Variants in PCDHA5 observed in about 807,000 individuals in gnomAD.
PCDHA5 encodes protocadherin alpha 5.
PCDHA5 carries 43 observed loss-of-function variants against 61.6 expected under a neutral mutation model. The ratio of observed to expected loss-of-function variants is 0.70; its 90% CI spans 0.55 to 0.90. The LOEUF (loss-of-function observed/expected upper bound fraction) is 0.90, where lower values mean the gene tolerates loss of function less well. Ranked by LOEUF, PCDHA5 falls within the 40% of genes least tolerant of loss-of-function variation. The pLI is 0.00. For missense variants in PCDHA5, 1,298 were observed against 1,222.7 expected (o/e 1.06, Z -0.92); for synonymous variants, 627 against 543.9 (o/e 1.15, Z -2.13).
rs2150150288 is a variant in PCDHA5 at position 140,828,039 on chromosome 5, T to G, written c.2352+3912T>G. 212 of 1,539,464 alleles carry G rather than the reference T, an allele frequency of 1.4e-4. 1 individual carries two copies. Among genetic ancestry groups the G allele is most frequent in the Non-Finnish European group, 1.8e-4 (207 of 1,145,996 alleles). ...TAATAAATTCCGGAACATACAGTAT[T>G]TTATCTTTATGCGGAAGATCTTCTA... On this transcript the variant is annotated intron_variant, in intron 1 of 3. Coordinates refer to ENST00000529859, the MANE Select transcript of PCDHA5 (RefSeq NM_018908.3).
At chr5:140,884,206 C>T (rs1554181328) in intron 1 of PCDHA5, 1 of 1,613,542 alleles carries the variant, frequency 6.2e-7, no homozygotes, top group Admixed American at 1.7e-5. Context: ...CGCACCACCG[C>T]CTTCTGGTGC....
At position 140,924,046 on chromosome 5, in the gene PCDHA5, C is replaced by T. The variant is rs59270862; in HGVS notation, c.2353-54903C>T. Among the ~76,000 whole-genome samples, 1,259 of 152,276 alleles carry T rather than the reference C, an allele frequency of 8.3e-3. 10 individuals are homozygous for T. The highest frequency in any genetic ancestry group is 0.029 in the African/African-American group (1,206 of 41,556). ...AGGCATGGCTGCAGACCTAAAAGTT[C>T]GGTACATCTTTACAGTTGTATTTCA... is the stretch of plus-strand genomic sequence containing the variant. On this transcript the variant is annotated intron_variant, in intron 1 of 3. Coordinates refer to ENST00000529859, the MANE Select transcript of PCDHA5 (RefSeq NM_018908.3).
intron 1 of PCDHA5, among the ~76,000 whole-genome samples, chr5:140,947,863 G>A (rs1438094304): frequency 6.6e-6 from 1 of 151,230 alleles, no homozygotes; most frequent in Non-Finnish European, 1.5e-5. Flanking sequence ...CATTATAATG[G>A]CTAGGACTTC....
At chr5:140,967,051 G>C in intron 1 of PCDHA5, 2 of 1,612,562 alleles carry the variant, frequency 1.2e-6, no homozygotes, top group Non-Finnish European at 1.7e-6. Context: ...TGGACCTGAC[G>C]AGTGGAGCGC....
chr5:140,915,966 T>C (rs1420384919), intron 1 of PCDHA5, among the ~76,000 whole-genome samples: 1 of 152,160 alleles, frequency 6.6e-6, no homozygotes, highest in Non-Finnish European at 1.5e-5. Flanking sequence ...ATTTGCCTGA[T>C]ATTTTATTTG....
rs145175505 is a variant in PCDHA5 at position 140,843,176 on chromosome 5, C to G, written c.2352+19049C>G. On this transcript the variant is annotated intron_variant, in intron 1 of 3. Coordinates refer to ENST00000529859, the MANE Select transcript of PCDHA5 (RefSeq NM_018908.3). Reference sequence around the variant, plus strand: ...GCTGCAGCCAGCTGCAAGCAGCCCTCGCATCCCGTTCCGCGTGGGGCTGTA... The same window carrying G: ...GCTGCAGCCAGCTGCAAGCAGCCCTGGCATCCCGTTCCGCGTGGGGCTGTA... 2 of 1,595,968 alleles carry G rather than the reference C, an allele frequency of 1.3e-6. No homozygotes were observed. Among genetic ancestry groups the G allele is most frequent in the Non-Finnish European group, 1.7e-6 (2 of 1,165,618 alleles).
At chr5:140,914,439 T>A (rs1352001626) in intron 1 of PCDHA5, among the ~76,000 whole-genome samples, 2 of 152,310 alleles carry the variant, frequency 1.3e-5, no homozygotes, top group South Asian at 2.1e-4. Context: ...TCTTTTCCCA[T>A]GTCTTTATTT....
intron 1 of PCDHA5, among the ~76,000 whole-genome samples, chr5:140,855,727 T>A (rs782065766): frequency 6.7e-6 from 1 of 149,598 alleles, no homozygotes; most frequent in Admixed American, 6.7e-5. Context: ...TGTTATTAAC[T>A]ATAAAGAGAC....
Position 140,842,564 on chromosome 5 carries a change from C to G in PCDHA5, c.2352+18437C>G, listed in dbSNP as rs2150339268. 40 of 1,500,320 alleles carry G rather than the reference C, an allele frequency of 2.7e-5. 2 individuals carry two copies. In the East Asian group the frequency reaches 6.6e-4, roughly 25 times the overall value. The allele number at this position is 1,500,320 out of a possible 1,614,324, so 92.9% of individuals were successfully genotyped here. A position where few individuals can be genotyped will look rare whatever the true frequency, so the allele number is the denominator to read the frequency against. On this transcript the variant is annotated intron_variant, in intron 1 of 3. Transcript: ENST00000529859. ...GTTGGTGCTGGACAGCGCCCTGGAC[C>G]GCGAGAGAGTGTCGGCCTATGAGTT...
chr5:140,941,255 C>CTTTCTTTCTTTCTTTCTTTCTCTT (rs782490896), intron 1 of PCDHA5, among the ~76,000 whole-genome samples: 1 of 44,508 alleles, frequency 2.2e-5, no homozygotes, highest in Non-Finnish European at 5.1e-5. Flanking sequence ...TTCTTTCTTT[C>CTTTCTTTCTTTCTTTCTTTCTCTT]TCTTTCTTTC....
At chr5:140,871,624 A>C in intron 1 of PCDHA5, 2 of 1,409,596 alleles carry the variant, frequency 1.4e-6, no homozygotes, top group Non-Finnish European at 9.4e-7. Context: ...TTTAGATAAC[A>C]ATGTCTGTTC....
intron 1 of PCDHA5, among the ~76,000 whole-genome samples, chr5:140,922,126 G>A (rs1206223275): frequency 1.3e-5 from 2 of 151,970 alleles, no homozygotes; most frequent in Non-Finnish European, 2.9e-5. Flanking sequence ...ACCTTTAAAT[G>A]TCTCTTATCC....
chr5:140,832,198 T>G (rs1771866666), intron 1 of PCDHA5, among the ~76,000 whole-genome samples: 1 of 152,250 alleles, frequency 6.6e-6, no homozygotes, highest in Non-Finnish European at 1.5e-5. Context: ...TTTAACCTGC[T>G]GAGTCCTCAG....
intron 1 of PCDHA5, chr5:140,857,559 C>G (rs550275293): frequency 2.5e-6 from 4 of 1,596,876 alleles, no homozygotes; most frequent in Non-Finnish European, 3.4e-6. Context: ...CGCTCGCTGT[C>G]GAGCTACGTG....
At chr5:140,941,214 C>CTTCCTTTCTTTCTTTCTTTCTTT (rs1554214039) in intron 1 of PCDHA5, among the ~76,000 whole-genome samples, 1 of 122,414 alleles carries the variant, frequency 8.2e-6, no homozygotes. Flanking sequence ...TTTCTTTCTT[C>CTTCCTTTCTTTCTTTCTTTCTTT]CTTTCTTTCT....
chr5:140,884,260 G>A (rs781862611), intron 1 of PCDHA5: 19 of 1,613,410 alleles, frequency 1.2e-5, no homozygotes, highest in Non-Finnish European at 1.5e-5. Flanking sequence ...CCACGGCAAC[G>A]GTGCTGTTGT....
At chr5:140,902,203 C>CTTTTTT (rs148688132) in intron 1 of PCDHA5, among the ~76,000 whole-genome samples, 15 of 124,432 alleles carry the variant, frequency 1.2e-4, no homozygotes, top group Non-Finnish European at 2.0e-4. Flanking sequence ...CTCTCTCTTT[C>CTTTTTT]TTTTTTTTTT....
intron 3 of PCDHA5, among the ~76,000 whole-genome samples, chr5:141,000,417 A>T (rs1334137638): frequency 1.8e-3 from 141 of 77,654 alleles, no homozygotes; most frequent in African/African-American, 4.6e-3. Context: ...ATATATATAT[A>T]TATATTTTTT....
At chr5:140,954,275 T>C (rs1447578594) in intron 1 of PCDHA5, among the ~76,000 whole-genome samples, 1 of 152,218 alleles carries the variant, frequency 6.6e-6, no homozygotes, top group Non-Finnish European at 1.5e-5. Context: ...AATAGGATGA[T>C]TTATATTCCT....
Sources: gnomAD v4.1 joint callset for allele counts (sites outside exome capture counted in the v4.1 genomes callset) on GRCh38, gnomAD v4.1.1 for gene constraint, MANE v1.5 for transcripts, NCBI Gene and HGNC (gene_info 2026-07-23, HGNC 2026-07-21) for gene names.